EEPD1: variants seen among roughly 807,000 people sequenced by gnomAD.
EEPD1 encodes endonuclease/exonuclease/phosphatase family domain-containing protein 1.
Under a neutral mutation model 46.3 loss-of-function variants are expected in EEPD1, and 17 were observed. The ratio of observed to expected loss-of-function variants is 0.37; its 90% CI spans 0.25 to 0.55. The LOEUF (loss-of-function observed/expected upper bound fraction) is 0.55, where lower values mean the gene tolerates loss of function less well. EEPD1 is among the 20% of genes least tolerant of loss of function. The pLI, the probability that EEPD1 is intolerant of heterozygous loss-of-function variation, is 0.83. For synonymous variants in EEPD1, 313 were observed against 315.6 expected, an observed-to-expected ratio of 0.99 and a Z score of 0.09; for missense variants, 673 against 745.6, an observed-to-expected ratio of 0.90 and a Z score of 1.13.
At chr7:36,184,612 T>C (rs1180593511) in intron 2 of EEPD1, among the ~76,000 whole-genome samples, 1 of 152,246 alleles carries the variant, frequency 6.6e-6, no homozygotes, top group Non-Finnish European at 1.5e-5. Flanking sequence ...AATGTCTCCT[T>C]ACAGTTCTTT....
intron 2 of EEPD1, among the ~76,000 whole-genome samples, chr7:36,168,931 T>G (rs1278834768): frequency 1.3e-5 from 2 of 152,188 alleles, no homozygotes. Context: ...CTTCTCCTCA[T>G]CCCAGGATTC....
chr7:36,240,691 A>G (rs559087116), intron 3 of EEPD1, among the ~76,000 whole-genome samples: 90 of 152,312 alleles, frequency 5.9e-4, no homozygotes, highest in African/African-American at 2.1e-3. Flanking sequence ...CCTGAAGTTG[A>G]TAATTGGCTT....
chr7:36,160,086 G>A (rs575121654), intron 2 of EEPD1, among the ~76,000 whole-genome samples: 130 of 152,276 alleles, frequency 8.5e-4, no homozygotes, highest in Non-Finnish European at 1.5e-3. Flanking sequence ...AGGTTCTTTG[G>A]GAGTTTGATG....
intron 2 of EEPD1, among the ~76,000 whole-genome samples, chr7:36,207,672 G>T (rs183654596): frequency 2.0e-5 from 3 of 152,150 alleles, no homozygotes; most frequent in African/African-American, 7.2e-5. Context: ...CCTTTCCTGC[G>T]TGCAGCTACC....
intron 2 of EEPD1, among the ~76,000 whole-genome samples, chr7:36,190,359 G>A (rs1263734660): frequency 2.0e-5 from 3 of 152,118 alleles, no homozygotes; most frequent in South Asian, 2.1e-4. Flanking sequence ...GCAACAGAGC[G>A]AGACCCTGTC....
At chr7:36,209,447 A>G (rs1414244187) in intron 2 of EEPD1, among the ~76,000 whole-genome samples, 1 of 152,212 alleles carries the variant, frequency 6.6e-6, no homozygotes. Flanking sequence ...AGCTAGGCAT[A>G]TACACGTGTG....
chr7:36,165,456 G>T (rs1784967888), intron 2 of EEPD1, among the ~76,000 whole-genome samples: 1 of 103,104 alleles, frequency 9.7e-6, no homozygotes, highest in African/African-American at 3.9e-5. Flanking sequence ...GCCTTGCTCT[G>T]TCACCCAGGC....
intron 2 of EEPD1, among the ~76,000 whole-genome samples, chr7:36,234,111 G>C (rs1037519229): frequency 3.3e-5 from 5 of 152,002 alleles, no homozygotes; most frequent in African/African-American, 7.2e-5. Flanking sequence ...TAGAGACAGG[G>C]TTTCACCATG....
At chr7:36,296,523 T>A (rs1162020529) in intron 6 of EEPD1, among the ~76,000 whole-genome samples, 1 of 151,372 alleles carries the variant, frequency 6.6e-6, no homozygotes, top group Non-Finnish European at 1.5e-5. Flanking sequence ...CCCTGTGCTG[T>A]GTTGGTTTCA....
chr7:36,289,167 G>A (rs1787387145), intron 6 of EEPD1, among the ~76,000 whole-genome samples: 1 of 151,954 alleles, frequency 6.6e-6, no homozygotes, highest in Non-Finnish European at 1.5e-5. Context: ...TTTTTACTGT[G>A]GTAAAATATA....
intron 2 of EEPD1, among the ~76,000 whole-genome samples, chr7:36,224,757 G>GTA (rs1281676878): frequency 6.6e-6 from 1 of 152,086 alleles, no homozygotes; most frequent in African/African-American, 2.4e-5. Flanking sequence ...AAGTATTCAT[G>GTA]TATAGTAAAC....
At chr7:36,155,401 C>T (rs765453225) in intron 2 of EEPD1, among the ~76,000 whole-genome samples, 199 bp downstream of exon 2, 1 of 152,158 alleles carries the variant, frequency 6.6e-6, no homozygotes, top group Non-Finnish European at 1.5e-5. Flanking sequence ...TACAGCTGGG[C>T]TTGTGACCCA....
At chr7:36,160,839 G>T (rs537830973) in intron 2 of EEPD1, among the ~76,000 whole-genome samples, 6 of 152,200 alleles carry the variant, frequency 3.9e-5, no homozygotes, top group African/African-American at 1.4e-4. Context: ...TGTGGATAGT[G>T]TGAGATTCAG....
intron 2 of EEPD1, among the ~76,000 whole-genome samples, chr7:36,166,631 T>G (rs918394517): frequency 6.6e-6 from 1 of 152,166 alleles, no homozygotes; most frequent in Non-Finnish European, 1.5e-5. Context: ...GGATGAAGTA[T>G]GAGAAATGAG....
intron 6 of EEPD1, among the ~76,000 whole-genome samples, chr7:36,291,709 T>A (rs180886510): frequency 9.9e-4 from 151 of 152,362 alleles, no homozygotes; most frequent in Non-Finnish European, 1.8e-3. Context: ...GCAGTTGTTA[T>A]TACGGAAGCA....
At chr7:36,167,789 C>T (rs1222606386) in intron 2 of EEPD1, among the ~76,000 whole-genome samples, 1 of 152,148 alleles carries the variant, frequency 6.6e-6, no homozygotes, top group African/African-American at 2.4e-5. Flanking sequence ...CATCTCAGCT[C>T]AGTGCAACCT....
intron 3 of EEPD1, among the ~76,000 whole-genome samples, chr7:36,240,456 CAG>C (rs1786538094): frequency 6.6e-6 from 1 of 152,150 alleles, no homozygotes; most frequent in Non-Finnish European, 1.5e-5. Context: ...TGCCTGACCT[CAG>C]AGAGGCAAAG....
intron 2 of EEPD1, among the ~76,000 whole-genome samples, chr7:36,165,411 CTTTTTTTTTTTTTT>C (rs56236165): frequency 8.1e-5 from 5 of 62,100 alleles, no homozygotes; most frequent in Non-Finnish European, 1.4e-4. Context: ...GATCCATTTC[CTTTTTTTTTTTTTT>C]TTTTTTTTTT....
chr7:36,218,190 C>T lies in EEPD1; in HGVS notation c.879-20795C>T, dbSNP rs368211391. On this transcript the variant is annotated intron_variant, in intron 2 of 7. Transcript: ENST00000242108. The stretch of plus-strand genomic sequence containing the variant: ...TCTATTTTCAAGTGCACGAGGGGGG[C>T]TCATTTATACTGAATACAGTAGTCC... 4.6e-5 allele frequency among the ~76,000 whole-genome samples: 7 copies of T among 152,066 alleles called. No individual in the cohort carries two copies. The East Asian group carries it at 9.6e-4, about 21-fold the overall frequency.
Sources: allele counts gnomAD v4.1 joint callset (sites outside exome capture counted in the v4.1 genomes callset), GRCh38; gene constraint gnomAD v4.1.1; transcripts MANE v1.5; gene names NCBI Gene and HGNC (gene_info 2026-07-23, HGNC 2026-07-21).